CEP128: variants seen among roughly 807,000 people sequenced by gnomAD.
CEP128 encodes centrosomal protein 128.
CEP128 carries 132 observed loss-of-function variants against 156.7 expected under a neutral mutation model. That is an observed-to-expected ratio of 0.84 (90% CI 0.73 to 0.97). CEP128 has a LOEUF of 0.97. Ranked by LOEUF, CEP128 falls within the 50% of genes least tolerant of loss-of-function variation. The pLI is 0.00. For missense variants in CEP128, 1,252 were observed against 1,281.9 expected (o/e 0.98, Z 0.36); for synonymous variants, 469 against 448.9 (o/e 1.04, Z -0.57).
chr14:80,676,686 G>A (rs1896076171), intron 19 of CEP128, among the ~76,000 whole-genome samples: 1 of 151,948 alleles, frequency 6.6e-6, no homozygotes, highest in South Asian at 2.1e-4. Context: ...TTTTCCCACA[G>A]ATATATCACA....
intron 19 of CEP128, among the ~76,000 whole-genome samples, chr14:80,590,484 A>G (rs1892005855): frequency 6.6e-6 from 1 of 152,132 alleles, no homozygotes; most frequent in Non-Finnish European, 1.5e-5. Context: ...CTGACAACCC[A>G]GAATCCTATA....
chr14:80,835,676 A>AT (rs1166953123), intron 12 of CEP128, among the ~76,000 whole-genome samples: 1 of 152,150 alleles, frequency 6.6e-6, no homozygotes, highest in Non-Finnish European at 1.5e-5. Context: ...GTATCCTAAT[A>AT]TTTTTCAAAC....
intron 18 of CEP128, among the ~76,000 whole-genome samples, chr14:80,751,726 T>C (rs1899405456): frequency 6.6e-6 from 1 of 151,602 alleles, no homozygotes; most frequent in Admixed American, 6.6e-5. Context: ...GCCTCCTGGG[T>C]TGAAGCGATT....
chr14:80,705,043 T>C (rs926340138), intron 19 of CEP128, among the ~76,000 whole-genome samples: 1 of 151,964 alleles, frequency 6.6e-6, no homozygotes, highest in African/African-American at 2.4e-5. Flanking sequence ...AGTATATATT[T>C]CTAAAATAAA....
chr14:80,667,182 T>G (rs1234353440), intron 19 of CEP128, among the ~76,000 whole-genome samples: 1 of 152,172 alleles, frequency 6.6e-6, no homozygotes, highest in African/African-American at 2.4e-5. Flanking sequence ...GACCTTTGGT[T>G]AAAGCCAGGA....
At chr14:80,871,809 C>T (rs554506196) in intron 8 of CEP128, among the ~76,000 whole-genome samples, 1 of 151,792 alleles carries the variant, frequency 6.6e-6, no homozygotes, top group African/African-American at 2.4e-5. Context: ...ATAAAAATAG[C>T]AAAATAACAA....
chr14:80,533,362 A>C (rs770690172), intron 21 of CEP128, among the ~76,000 whole-genome samples: 4 of 152,120 alleles, frequency 2.6e-5, no homozygotes, highest in Non-Finnish European at 5.9e-5. Flanking sequence ...CTCATTTTGA[A>C]GTGATCTTCT....
chr14:80,928,237 C>A (rs2139569309), intron 2 of CEP128, among the ~76,000 whole-genome samples: 1 of 152,304 alleles, frequency 6.6e-6, no homozygotes, highest in Non-Finnish European at 1.5e-5. Flanking sequence ...GAACAGAGTT[C>A]TATAACACTC....
intron 9 of CEP128, among the ~76,000 whole-genome samples, chr14:80,852,512 G>A (rs1424942181): frequency 6.6e-6 from 1 of 151,752 alleles, no homozygotes; most frequent in Non-Finnish European, 1.5e-5. Flanking sequence ...GAAAGAGAGA[G>A]TAACAGAGTT....
At chr14:80,934,477 G>A (rs2139601098) in intron 2 of CEP128, among the ~76,000 whole-genome samples, 1 of 152,248 alleles carries the variant, frequency 6.6e-6, no homozygotes, top group East Asian at 1.9e-4. Flanking sequence ...TGAGCACCTA[G>A]GTATGACAGA....
chr14:80,647,054 T>TGTGTGC (rs1894678421), intron 19 of CEP128, among the ~76,000 whole-genome samples: 2 of 6,940 alleles, frequency 2.9e-4, no homozygotes, highest in Non-Finnish European at 6.2e-4. Context: ...TATATATATA[T>TGTGTGC]ATATATATAT....
At chr14:80,707,589 T>A (rs944417923) in intron 19 of CEP128, among the ~76,000 whole-genome samples, 2 of 152,186 alleles carry the variant, frequency 1.3e-5, no homozygotes, top group Admixed American at 6.6e-5. Context: ...TTTGTGAAGC[T>A]GTACATACAC....
At chr14:80,674,187 T>C (rs1439269355) in intron 19 of CEP128, among the ~76,000 whole-genome samples, 1 of 152,098 alleles carries the variant, frequency 6.6e-6, no homozygotes, top group Non-Finnish European at 1.5e-5. Context: ...ACATCAATTA[T>C]GTGATCTCTG....
intron 9 of CEP128, among the ~76,000 whole-genome samples, chr14:80,843,167 C>T (rs951332748): frequency 3.9e-5 from 6 of 151,990 alleles, no homozygotes; most frequent in Non-Finnish European, 7.4e-5. Flanking sequence ...TATCAAGAGG[C>T]TCTAACAGAT....
chr14:80,652,305 A>G (rs1179101637), intron 19 of CEP128, among the ~76,000 whole-genome samples: 1 of 152,108 alleles, frequency 6.6e-6, no homozygotes, highest in African/African-American at 2.4e-5. Flanking sequence ...TGACTAAAAT[A>G]CCAAAAGCAA....
intron 8 of CEP128, among the ~76,000 whole-genome samples, chr14:80,867,305 G>A (rs1299566405): frequency 6.6e-6 from 1 of 152,190 alleles, no homozygotes; most frequent in Non-Finnish European, 1.5e-5. Context: ...GAGGGATGAA[G>A]TGAGACTACT....
chr14:80,630,313 A>C (rs1893908115), intron 19 of CEP128, among the ~76,000 whole-genome samples: 1 of 152,022 alleles, frequency 6.6e-6, no homozygotes, highest in Non-Finnish European at 1.5e-5. Context: ...ATTTTTAAGA[A>C]ATCATAAAAT....
chr14:80,675,707 C>A (rs1217458705), intron 19 of CEP128, among the ~76,000 whole-genome samples: 1 of 151,964 alleles, frequency 6.6e-6, no homozygotes, highest in African/African-American at 2.4e-5. Context: ...GTTTTTGAAA[C>A]ACATTTTGAT....
chr14:80,632,809 GT>G (rs1252906223), intron 19 of CEP128, among the ~76,000 whole-genome samples: 1 of 152,108 alleles, frequency 6.6e-6, no homozygotes, highest in Admixed American at 6.6e-5. Context: ...CAAGTGGCAA[GT>G]GCATACATTC....
Sources: gnomAD v4.1 joint callset for allele counts (sites outside exome capture counted in the v4.1 genomes callset) on GRCh38, gnomAD v4.1.1 for gene constraint, MANE v1.5 for transcripts, NCBI Gene and HGNC (gene_info 2026-07-23, HGNC 2026-07-21) for gene names.